FHIT: variants seen among roughly 807,000 people sequenced by gnomAD.
FHIT encodes bis(5'-adenosyl)-triphosphatase.
FHIT carries 19 observed loss-of-function variants against 17.9 expected under a neutral mutation model. The ratio of observed to expected loss-of-function variants is 1.06; its 90% CI spans 0.74 to 1.56. The LOEUF (loss-of-function observed/expected upper bound fraction) is 1.56, where lower values mean the gene tolerates loss of function less well. FHIT is among the 40% of genes most tolerant of loss of function. The pLI, the probability that FHIT is intolerant of heterozygous loss-of-function variation, is 0.00. For synonymous variants in FHIT, 81 were observed against 69.7 expected (o/e 1.16, Z -0.81); for missense variants, 248 against 189.2 (o/e 1.31, Z -1.82).
intron 4 of FHIT, among the ~76,000 whole-genome samples, chr3:60,634,710 G>A (rs148580120): frequency 6.6e-6 from 1 of 152,192 alleles, no homozygotes; most frequent in Admixed American, 6.5e-5. Flanking sequence ...AGAAAGAGGA[G>A]AAGAAGTTTG....
At chr3:60,214,420 G>C (rs905900557) in intron 5 of FHIT, among the ~76,000 whole-genome samples, 21 of 152,072 alleles carry the variant, frequency 1.4e-4, no homozygotes, top group African/African-American at 4.3e-4. Context: ...CTATGCTTGA[G>C]TTCTTAGACT....
At chr3:60,360,733 C>T (rs1317190882) in intron 5 of FHIT, among the ~76,000 whole-genome samples, 1 of 152,174 alleles carries the variant, frequency 6.6e-6, no homozygotes, top group South Asian at 2.1e-4. Flanking sequence ...AAATTCACAA[C>T]ATCTTCTCAC....
intron 7 of FHIT, among the ~76,000 whole-genome samples, chr3:60,008,675 G>T (rs964256247): frequency 6.6e-5 from 10 of 152,188 alleles, no homozygotes; most frequent in African/African-American, 2.2e-4. Context: ...AAGATGAAGA[G>T]AACAGTCACT....
chr3:60,717,603 T>C (rs2041714893), intron 4 of FHIT, among the ~76,000 whole-genome samples: 2 of 152,110 alleles, frequency 1.3e-5, no homozygotes, highest in Non-Finnish European at 2.9e-5. Context: ...TTAGCGAAGA[T>C]TTGAGCTTGA....
At chr3:60,633,673 A>T (rs2039505132) in intron 4 of FHIT, among the ~76,000 whole-genome samples, 1 of 152,208 alleles carries the variant, frequency 6.6e-6, no homozygotes, top group Non-Finnish European at 1.5e-5. Flanking sequence ...TGCTACTCGC[A>T]TTCTAGAGAG....
intron 4 of FHIT, among the ~76,000 whole-genome samples, chr3:60,689,311 A>T (rs1477910196): frequency 1.3e-5 from 2 of 152,144 alleles, no homozygotes; most frequent in African/African-American, 4.8e-5. Flanking sequence ...AGTAAAAAGG[A>T]CTAATACACT....
At chr3:60,053,773 C>T (rs114006506) in intron 5 of FHIT, among the ~76,000 whole-genome samples, 1,709 of 152,134 alleles carry the variant, frequency 0.011, 15 homozygotes, top group Admixed American at 0.014. Flanking sequence ...CTTACTACTT[C>T]ATCTCATCAC....
chr3:60,290,757 T>C (rs1048803880), intron 5 of FHIT, among the ~76,000 whole-genome samples: 3 of 152,080 alleles, frequency 2.0e-5, no homozygotes, highest in Admixed American at 1.3e-4. Flanking sequence ...TGTTTGGAAG[T>C]TGGAACTCAT....
intron 5 of FHIT, among the ~76,000 whole-genome samples, chr3:60,504,957 C>T (rs2034668559): frequency 1.3e-5 from 2 of 152,194 alleles, no homozygotes; most frequent in Non-Finnish European, 2.9e-5. Flanking sequence ...TGCTATACGT[C>T]AGCATGACAA....
At chr3:59,882,951 T>A (rs1407957864) in intron 8 of FHIT, among the ~76,000 whole-genome samples, 2 of 152,146 alleles carry the variant, frequency 1.3e-5, no homozygotes, top group Non-Finnish European at 2.9e-5. Flanking sequence ...GAATGTTCAG[T>A]GGAAATTATT....
chr3:59,814,738 C>T (rs1369598601), intron 8 of FHIT, among the ~76,000 whole-genome samples: 1 of 152,182 alleles, frequency 6.6e-6, no homozygotes, highest in Non-Finnish European at 1.5e-5. Flanking sequence ...AAAAGACAGT[C>T]CCTCTCTCAT....
intron 4 of FHIT, among the ~76,000 whole-genome samples, chr3:60,658,734 C>T (rs1185836619): frequency 6.6e-6 from 1 of 151,734 alleles, no homozygotes; most frequent in Non-Finnish European, 1.5e-5. Context: ...AGCTTTTAGA[C>T]TAATAATTTA....
intron 5 of FHIT, among the ~76,000 whole-genome samples, chr3:60,093,789 C>T (rs989548583): frequency 1.6e-4 from 24 of 152,222 alleles, no homozygotes; most frequent in African/African-American, 4.6e-4. Context: ...AGTTTCATCC[C>T]GAAACCACTC....
chr3:60,443,082 A>C (rs1383730597), intron 5 of FHIT, among the ~76,000 whole-genome samples: 1 of 151,892 alleles, frequency 6.6e-6, no homozygotes, highest in Non-Finnish European at 1.5e-5. Flanking sequence ...TTTATCTGTT[A>C]CTGGTGTATA....
intron 5 of FHIT, among the ~76,000 whole-genome samples, chr3:60,150,264 T>C (rs568175378): frequency 6.6e-6 from 1 of 152,192 alleles, no homozygotes; most frequent in African/African-American, 2.4e-5. Context: ...CCCAAAGTGC[T>C]GGGATTACAG....
chr3:60,794,634 T>G (rs1430409162), intron 4 of FHIT, among the ~76,000 whole-genome samples: 1 of 152,198 alleles, frequency 6.6e-6, no homozygotes, highest in Non-Finnish European at 1.5e-5. Context: ...TGCTTATTAA[T>G]GAGATACTTT....
intron 5 of FHIT, among the ~76,000 whole-genome samples, chr3:60,297,850 G>T (rs898394461): frequency 3.9e-5 from 6 of 152,024 alleles, no homozygotes; most frequent in Admixed American, 3.9e-4. Context: ...ACAGGTTAGG[G>T]GTTCAGTCCC....
intron 8 of FHIT, among the ~76,000 whole-genome samples, chr3:59,921,134 G>C (rs1238164462): frequency 1.3e-5 from 2 of 152,186 alleles, no homozygotes; most frequent in Non-Finnish European, 2.9e-5. Context: ...GCAAAAGATA[G>C]TAAGGGTTAT....
intron 2 of FHIT, among the ~76,000 whole-genome samples, chr3:61,177,671 A>C (rs2038201171): frequency 6.6e-6 from 1 of 152,170 alleles, no homozygotes; most frequent in Admixed American, 6.5e-5. Context: ...AGCAGGCCTA[A>C]ATGGATTTTT....
Sources: gnomAD v4.1 joint callset for allele counts (sites outside exome capture counted in the v4.1 genomes callset) on GRCh38, gnomAD v4.1.1 for gene constraint, MANE v1.5 for transcripts, NCBI Gene and HGNC (gene_info 2026-07-23, HGNC 2026-07-21) for gene names.